The following VPS18 variants were observed in gnomAD, a reference collection of about 807,000 sequenced individuals.
The protein encoded by VPS18 is vacuolar protein sorting-associated protein 18 homolog.
A neutral mutation model predicts 82.0 loss-of-function variants in VPS18; 25 were observed. That is an observed-to-expected ratio of 0.30 (90% confidence interval 0.22 to 0.43). VPS18 has a LOEUF of 0.43. Ranked by LOEUF, VPS18 falls within the 20% of genes least tolerant of loss-of-function variation. The probability of loss-of-function intolerance (pLI) is 1.00; values close to 1 mark genes in which losing one functional copy is unlikely to be tolerated. For synonymous variants in VPS18, 523 were observed against 543.0 expected (o/e 0.96, Z 0.51); for missense variants, 1,168 against 1,311.1 (o/e 0.89, Z 1.69).
In VPS18 at chr15:40,900,597, G is replaced by C. The variant is rs1160750298; in HGVS notation, c.1779G>C (p.Gln593His). 3.3e-5 allele frequency: 54 copies of C among 1,613,824 alleles called. No individual in the cohort carries two copies. The highest frequency in any genetic ancestry group is 4.4e-5 in the Non-Finnish European group (52 of 1,180,018). Residue 593 changes from glutamine to histidine, a missense_variant, in exon 4 of 5, where the codon CAG (glutamine) becomes CAC (histidine). Physicochemically the swap from Gln to His is conservative, Grantham distance 24. Around this residue, in one of 3 missense-constraint regions of VPS18, gnomAD observed 868 missense variants for 939.8 expected, o/e 0.92. Coordinates refer to ENST00000220509, the MANE Select transcript of VPS18 (RefSeq NM_020857.3). This position sits in a 1 kb window ranked among gnomAD's most constrained non-coding sequence, Gnocchi z 5.4. ...LAVLARHRDPQLFYKFSPILI... is the reference protein window; with the variant it reads ...LAVLARHRDPHLFYKFSPILI... ...TGCTCGCCCGCCACCGTGACCCCCA[G>C]CTCTTCTACAAGTTCTCACCCATCC...
chr15:40,895,892 A>T (rs1892221565), intron 1 of VPS18, 46 bp from the exon 2 acceptor site: 1 of 1,611,404 alleles, frequency 6.2e-7, no homozygotes, highest in African/African-American at 1.3e-5. Flanking sequence ...CTTGCCCTTC[A>T]CCTGTCTCTT....
Position 40,894,610 on chromosome 15 carries a change from G to A in VPS18, c.-159G>A. ...TCGCTGCATAAGGCAAGAGCAAGAG[G>A]ATCCTCAGGATTTTAAAGAGGAGGC... On this transcript the variant is annotated 5_prime_UTR_variant, in exon 1 of 5. Coordinates refer to ENST00000220509, the MANE Select transcript of VPS18 (RefSeq NM_020857.3). 1 of 618,702 alleles carries A rather than the reference G, an allele frequency of 1.6e-6. No individual in the cohort carries two copies. The highest frequency in any genetic ancestry group is 2.7e-6 in the Non-Finnish European group (1 of 368,732). The allele number at this position is 618,702 out of a possible 1,614,324, so 38.3% of individuals were successfully genotyped here. A position where few individuals can be genotyped will look rare whatever the true frequency, so the allele number is the denominator to read the frequency against.
chr15:40,902,588 GGCCCTAAA>G lies in VPS18; in HGVS notation c.2197-23_2197-16del, dbSNP rs1257309618. On this transcript the variant is annotated intron_variant, in intron 4 of 4. Transcript: ENST00000220509. This position sits in a 1 kb window ranked among gnomAD's most constrained non-coding sequence, Gnocchi z 4.2. Reference sequence around the variant, plus strand: ...CTCCATGTTGGGCAGGGAGGGGCTTGGCCCTAAAGCCCATGCTCTCCCCACAGGTGGAT... The same window carrying G: ...CTCCATGTTGGGCAGGGAGGGGCTTGGCCCATGCTCTCCCCACAGGTGGAT... 6 of 1,584,512 alleles carry G rather than the reference GGCCCTAAA, an allele frequency of 3.8e-6. No homozygotes were observed. Among genetic ancestry groups the G allele is most frequent in the Non-Finnish European group, 5.2e-6 (6 of 1,161,646 alleles).
chr15:40,898,127 C>A (rs563434203), intron 2 of VPS18, among the ~76,000 whole-genome samples: 1 of 152,168 alleles, frequency 6.6e-6, no homozygotes, highest in South Asian at 2.1e-4. Context: ...CCACCGCGCC[C>A]GGCTAATTTT....
intron 2 of VPS18, among the ~76,000 whole-genome samples, chr15:40,896,811 C>CA (rs5812173): frequency 0.015 from 1,191 of 79,402 alleles, 18 homozygotes; most frequent in African/African-American, 0.03. Flanking sequence ...GACTCCATCT[C>CA]AAAAAAAAAA....
At chr15:40,901,550 G>A (rs143515030) in intron 4 of VPS18, among the ~76,000 whole-genome samples, 5,896 of 150,494 alleles carry the variant, frequency 0.039, 177 homozygotes, top group East Asian at 0.093. Context: ...TCACGCCATT[G>A]TACTCCAGCC....
Position 40,894,550 on chromosome 15 carries a change from G to A in VPS18, c.-219G>A. ...GGGGCGGGGAGTAAGGTGCAAGACT[G>A]CGCCAGATTCAAGGACGAGGGCTGC... On this transcript the variant is annotated 5_prime_UTR_variant, in exon 1 of 5. Coordinates refer to ENST00000220509, the MANE Select transcript of VPS18 (RefSeq NM_020857.3). 2.1e-6 allele frequency: 1 copy of A among 483,178 alleles called. No individual in the cohort carries two copies. The allele number at this position is 483,178 out of a possible 1,614,324, so 29.9% of individuals were successfully genotyped here. A position where few individuals can be genotyped will look rare whatever the true frequency, so the allele number is the denominator to read the frequency against.
Position 40,899,167 on chromosome 15 carries a change from A to G in VPS18, c.349A>G (p.Ser117Gly). The G allele has an allele frequency of 6.2e-7, 1 of 1,613,960 alleles. No individual in the cohort carries two copies. Among genetic ancestry groups the G allele is most frequent in the South Asian group, 1.1e-5 (1 of 91,072 alleles). The change falls in exon 4 of 5, where the codon AGC becomes GGC. Residue 117 changes from serine (S) to glycine (G), a missense_variant. Transcript: ENST00000220509. The surrounding 1 kb of genome is among the most constrained non-coding windows in gnomAD (Gnocchi z 4.4). ...HTGSHLLIAL[S>G]STEVLYVNRN... ...AGGCTCTCACCTGCTGATTGCCCTGAGCAGCACGGAGGTCCTCTACGTGAA... is the reference window on the plus strand; with the variant it reads ...AGGCTCTCACCTGCTGATTGCCCTGGGCAGCACGGAGGTCCTCTACGTGAA...
Position 40,894,546 on chromosome 15 carries a change from G to C in VPS18, c.-223G>C, listed in dbSNP as rs1013226495. Reference sequence around the variant, plus strand: ...AGCGGGGGCGGGGAGTAAGGTGCAAGACTGCGCCAGATTCAAGGACGAGGG... The same window carrying C: ...AGCGGGGGCGGGGAGTAAGGTGCAACACTGCGCCAGATTCAAGGACGAGGG... On this transcript the variant is annotated 5_prime_UTR_variant, in exon 1 of 5. Transcript: ENST00000220509. 1.9e-5 allele frequency: 9 copies of C among 479,508 alleles called. No individual in the cohort carries two copies. Among genetic ancestry groups the C allele is most frequent in the African/African-American group, 1.6e-4 (8 of 49,524 alleles). 29.7% of individuals were successfully genotyped at this position (479,508 alleles called of 1,614,324 possible).
At chr15:40,898,810 A>C (rs1256599837) in intron 2 of VPS18, 97 bp from the exon 3 acceptor site, 1 of 1,263,162 alleles carries the variant, frequency 7.9e-7, no homozygotes, top group East Asian at 2.5e-5. Flanking sequence ...TATTTCAGGG[A>C]AGTAAGTCTA....
Position 40,902,735 on chromosome 15 carries a change from A to G in VPS18, c.2316A>G (p.Thr772=). 6.2e-7 allele frequency: 1 copy of G among 1,614,294 alleles called. No homozygotes were observed. Among genetic ancestry groups the G allele is most frequent in the Non-Finnish European group, 8.5e-7 (1 of 1,180,054 alleles). Residue 772 remains threonine, a synonymous_variant, in exon 5 of 5, where the codon ACA becomes ACG. Coordinates refer to ENST00000220509, the MANE Select transcript of VPS18 (RefSeq NM_020857.3). This position sits in a 1 kb window ranked among gnomAD's most constrained non-coding sequence, Gnocchi z 4.2. The part of the protein sequence containing the change: ...HVVQEEEDVQ[T]AMACLASCPL... ...TGCAGGAAGAGGAAGATGTACAGAC[A>G]GCCATGGCTTGCCTGGCTAGCTGCC...
Position 40,900,291 on chromosome 15 carries a change from G to T in VPS18, c.1473G>T (p.Leu491=). 1 of 1,613,732 alleles carries T rather than the reference G, an allele frequency of 6.2e-7. No homozygotes were observed. The highest frequency in any genetic ancestry group is 8.5e-7 in the Non-Finnish European group (1 of 1,179,992). The change falls in exon 4 of 5, where the codon CTG becomes CTT. Residue 491 remains leucine (L), a synonymous_variant. Coordinates refer to ENST00000220509, the MANE Select transcript of VPS18 (RefSeq NM_020857.3). The surrounding 1 kb of genome is among the most constrained non-coding windows in gnomAD (Gnocchi z 5.4). ...CCGAACGTACCCAGGCCACACTGCT[G>T]ACCACCTGGCTGACAGAGCTCTACC... ...KPAERTQATL[L]TTWLTELYLS...
chr15:40,903,264 G>A lies in VPS18; in HGVS notation c.2845G>A (p.Glu949Lys), dbSNP rs761469946. 1 of 1,599,692 alleles carries A rather than the reference G, an allele frequency of 6.3e-7. No individual in the cohort carries two copies. Among genetic ancestry groups the A allele is most frequent in the Middle Eastern group, 2.1e-4 (1 of 4,760 alleles). ...GGCCGCTGAGTGTGTGTACTGTGGG[G>A]AGCTGATGATCCGCTCTATCGACCG... Reference protein sequence around the residue: ...LVAAECVYCGELMIRSIDRPF... With the variant: ...LVAAECVYCGKLMIRSIDRPF... The change falls in exon 5 of 5, where the codon GAG (glutamate) becomes AAG (lysine). Residue 949 changes from glutamate to lysine, a missense_variant. By Grantham distance (56) the Glu-to-Lys change is moderately conservative. Transcript: ENST00000220509.
chr15:40,894,806 C>T lies in VPS18; in HGVS notation c.38C>T (p.Ser13Phe), dbSNP rs774033771. 9.6e-6 allele frequency: 15 copies of T among 1,554,700 alleles called. No homozygotes were observed. The change falls in exon 1 of 5, where the codon TCC becomes TTC. Residue 13 changes from serine (S) to phenylalanine (F), a missense_variant. Ser to Phe is a radical substitution (Grantham distance 155, BLOSUM62 -2). This residue lies in a region of VPS18 where 868 missense variants were observed against 939.8 expected (regional missense o/e 0.92). Transcript: ENST00000220509. ...SILDEYENSLSRSAVLQPGCP... is the reference protein window; with the variant it reads ...SILDEYENSLFRSAVLQPGCP... ...CTGGATGAGTACGAGAACTCGCTGT[C>T]CCGCTCGGCCGTCTTGCAGCCCGGC...
rs776848449 is a variant in VPS18 at position 40,903,028 on chromosome 15, G to A, written c.2609G>A (p.Cys870Tyr). ...LLNRPFYLFL[C>Y]GHMFHADCLL... ...AACCGCCCTTTTTACCTCTTCCTCTGTGGCCATATGTTCCATGCTGACTGC... is the reference window on the plus strand; with the variant it reads ...AACCGCCCTTTTTACCTCTTCCTCTATGGCCATATGTTCCATGCTGACTGC... Residue 870 changes from cysteine (C) to tyrosine (Y), a missense_variant, in exon 5 of 5, where the codon TGT becomes TAT. Cys to Tyr is a radical substitution (Grantham distance 194, BLOSUM62 -2). Coordinates refer to ENST00000220509, the MANE Select transcript of VPS18 (RefSeq NM_020857.3). 1 of 1,614,264 alleles carries A rather than the reference G, an allele frequency of 6.2e-7. No homozygotes were observed. The highest frequency in any genetic ancestry group is 8.5e-7 in the Non-Finnish European group (1 of 1,180,048).
chr15:40,896,027 G>C lies in VPS18; in HGVS notation c.181G>C (p.Val61Leu), dbSNP rs776596580. 1.1e-5 allele frequency: 17 copies of C among 1,614,062 alleles called. No individual in the cohort carries two copies. The highest frequency in any genetic ancestry group is 8.0e-5 in the African/African-American group (6 of 74,916). ...CCCTTCCGAGCGCATTACCAGTCTT[G>C]TCGTCTCCAGCAATCAGCTGTGCAT... ...FTPSERITSL[V>L]VSSNQLCMSL... Residue 61 changes from valine to leucine, a missense_variant, in exon 2 of 5, where the codon GTC (valine) becomes CTC (leucine). Val to Leu is a conservative substitution (Grantham distance 32). Coordinates refer to ENST00000220509, the MANE Select transcript of VPS18 (RefSeq NM_020857.3).
In VPS18 at chr15:40,899,014, G is replaced by A. The variant is rs369837748; in HGVS notation, c.325+16G>A. ...GACCATACTGGTAAGTAACAGTGGA[G>A]ATCTGAGGAGGGGGTCTCTGGTCAG... On this transcript the variant is annotated intron_variant, in intron 3 of 4. Coordinates refer to ENST00000220509, the MANE Select transcript of VPS18 (RefSeq NM_020857.3). This position sits in a 1 kb window ranked among gnomAD's most constrained non-coding sequence, Gnocchi z 4.4. The A allele has an allele frequency of 1.1e-5, 17 of 1,613,676 alleles. No homozygotes were observed. The highest frequency in any genetic ancestry group is 6.7e-5 in the East Asian group (3 of 44,890).
chr15:40,902,262 G>A lies in VPS18; in HGVS notation c.2197-354G>A, dbSNP rs1234625688. ...CGGGTAGCTGGGACTACAGGCGCCCGCCACCACACCCGGCTAATTTTTTTG... is the reference window on the plus strand; with the variant it reads ...CGGGTAGCTGGGACTACAGGCGCCCACCACCACACCCGGCTAATTTTTTTG... On this transcript the variant is annotated intron_variant, in intron 4 of 4. Coordinates refer to ENST00000220509, the MANE Select transcript of VPS18 (RefSeq NM_020857.3). The surrounding 1 kb of genome is among the most constrained non-coding windows in gnomAD (Gnocchi z 4.2). 6.6e-6 allele frequency among the ~76,000 whole-genome samples: 1 copy of A among 151,864 alleles called. No individual in the cohort carries two copies. Among genetic ancestry groups the A allele is most frequent in the Non-Finnish European group, 1.5e-5 (1 of 67,986 alleles).
At position 40,903,711 on chromosome 15, in the gene VPS18, C is replaced by G. The variant is rs190521957; in HGVS notation, c.*370C>G. The G allele has an allele frequency of 2.3e-5, 4 of 177,250 alleles. No individual in the cohort carries two copies. The highest frequency in any genetic ancestry group is 4.7e-5 in the Non-Finnish European group (4 of 85,110). The allele number at this position is 177,250 out of a possible 1,614,324, so 11.0% of individuals were successfully genotyped here. A position where few individuals can be genotyped will look rare whatever the true frequency, so the allele number is the denominator to read the frequency against. ...AGAGAGAGAGAGAGCACCTTTCTTC[C>G]GTCTGTTCACTCTGCGGCCTCTGGA... On this transcript the variant is annotated 3_prime_UTR_variant, in exon 5 of 5. Transcript: ENST00000220509.
Sources: gnomAD v4.1 joint callset for allele counts (sites outside exome capture counted in the v4.1 genomes callset) on GRCh38, gnomAD v4.1.1 for gene constraint, gnomAD v4.1.1 regional missense constraint, Gnocchi (gnomAD v3.1) non-coding constraint, MANE v1.5 for transcripts, NCBI Gene and HGNC (gene_info 2026-07-23, HGNC 2026-07-21) for gene names.